The following COG5 variants were observed in gnomAD, a reference collection of about 807,000 sequenced individuals.
COG5 encodes the protein component of oligomeric golgi complex 5, also known as conserved oligomeric Golgi complex subunit 5.
COG5 carries 86 observed loss-of-function variants against 110.4 expected under a neutral mutation model. The ratio of observed to expected loss-of-function variants is 0.78; its 90% CI spans 0.65 to 0.93. The LOEUF (loss-of-function observed/expected upper bound fraction) is 0.93. COG5 is among the 40% of genes least tolerant of loss of function. The pLI is 0.00. For missense variants in COG5, 1,077 were observed against 987.0 expected, an observed-to-expected ratio of 1.09 and a Z score of -1.22; for synonymous variants, 360 against 334.6, an observed-to-expected ratio of 1.08 and a Z score of -0.83.
intron 7 of COG5, among the ~76,000 whole-genome samples, 174 bp downstream of exon 7, chr7:107,412,328 A>C (rs1183737179): frequency 6.7e-6 from 1 of 149,748 alleles, no homozygotes; most frequent in Non-Finnish European, 1.5e-5. Flanking sequence ...AAATATATTA[A>C]ACATATATTA....
intron 5 of COG5, among the ~76,000 whole-genome samples, chr7:107,540,273 T>C (rs1801878656): frequency 6.6e-6 from 1 of 151,998 alleles, no homozygotes; most frequent in African/African-American, 2.4e-5. Flanking sequence ...CTAACAAAGA[T>C]TTAAAACTAA....
intron 6 of COG5, among the ~76,000 whole-genome samples, chr7:107,504,323 C>A (rs770995924): frequency 6.6e-6 from 1 of 152,118 alleles, no homozygotes; most frequent in Non-Finnish European, 1.5e-5. Flanking sequence ...TATGTTAAAT[C>A]ATCCCTGCAT....
At chr7:107,274,414 C>T (rs748589320) in intron 14 of COG5, among the ~76,000 whole-genome samples, 4 of 152,208 alleles carry the variant, frequency 2.6e-5, no homozygotes, top group African/African-American at 4.8e-5. Context: ...CTCTTCACCC[C>T]CTTTGTATCT....
intron 11 of COG5, among the ~76,000 whole-genome samples, chr7:107,313,389 A>G (rs1256049828): frequency 6.6e-6 from 1 of 152,214 alleles, no homozygotes; most frequent in Non-Finnish European, 1.5e-5. Flanking sequence ...AAGCATGTGG[A>G]AAAACTAGAA....
chr7:107,284,019 G>C (rs896075453), intron 12 of COG5, among the ~76,000 whole-genome samples: 2 of 149,468 alleles, frequency 1.3e-5, no homozygotes, highest in Non-Finnish European at 3.0e-5. Context: ...CTACCTCCTG[G>C]GTTCAAGCGA....
intron 6 of COG5, among the ~76,000 whole-genome samples, chr7:107,488,830 G>A (rs1388609424): frequency 6.6e-6 from 1 of 151,904 alleles, no homozygotes; most frequent in African/African-American, 2.4e-5. Context: ...CTGGGCAACA[G>A]AGTAAGACCC....
At chr7:107,253,297 G>A (rs1440501943) in intron 16 of COG5, 1 of 152,130 alleles carries the variant, frequency 6.6e-6, no homozygotes, top group African/African-American at 2.4e-5. Context: ...AGGAAACTGA[G>A]AAAGGAGATT....
At chr7:107,346,124 T>A (rs1009150810) in intron 10 of COG5, among the ~76,000 whole-genome samples, 1 of 152,200 alleles carries the variant, frequency 6.6e-6, no homozygotes, top group Admixed American at 6.5e-5. Context: ...TCATAACTGA[T>A]TGCTAGAAAA....
At position 107,203,133 on chromosome 7, in the gene COG5, TGAA is replaced by T. The variant is rs1282499714; in HGVS notation, c.*380_*382del. 1.6e-5 allele frequency: 4 copies of T among 244,492 alleles called. No homozygotes were observed. The highest frequency in any genetic ancestry group is 2.3e-5 in the African/African-American group (1 of 44,302). The allele number at this position is 244,492 out of a possible 1,614,324, so 15.1% of individuals were successfully genotyped here. A position where few individuals can be genotyped will look rare whatever the true frequency, so the allele number is the denominator to read the frequency against. ...ACCACTGAGCTACATGCTTATTTAG[TGAA>T]GAAGGCAGGGTTGGGGGAAGCAGGG... On this transcript the variant is annotated 3_prime_UTR_variant, in exon 22 of 22. Coordinates refer to ENST00000297135, the MANE Select transcript of COG5 (RefSeq NM_006348.5).
chr7:107,246,518 G>A (rs941752507), intron 17 of COG5, among the ~76,000 whole-genome samples: 3 of 152,024 alleles, frequency 2.0e-5, no homozygotes, highest in Non-Finnish European at 4.4e-5. Flanking sequence ...AAATTCACAA[G>A]GGAAAAACAA....
chr7:107,521,802 A>G (rs1443968196), intron 6 of COG5, among the ~76,000 whole-genome samples: 1 of 152,242 alleles, frequency 6.6e-6, no homozygotes, highest in African/African-American at 2.4e-5. Context: ...AAAGGAATAT[A>G]AATCATTCTA....
intron 8 of COG5, among the ~76,000 whole-genome samples, chr7:107,366,402 T>C (rs1813619316): frequency 6.6e-6 from 1 of 152,118 alleles, no homozygotes; most frequent in Non-Finnish European, 1.5e-5. Flanking sequence ...AAACAGAGAA[T>C]ATCTGATATA....
At chr7:107,434,761 G>C (rs1327579420) in intron 6 of COG5, among the ~76,000 whole-genome samples, 1 of 152,070 alleles carries the variant, frequency 6.6e-6, no homozygotes, top group Non-Finnish European at 1.5e-5. Flanking sequence ...ACTAGGTCAG[G>C]AGATCAAGAC....
intron 1 of COG5, among the ~76,000 whole-genome samples, chr7:107,559,792 G>A (rs1803629647): frequency 6.6e-6 from 1 of 152,176 alleles, no homozygotes; most frequent in Admixed American, 6.5e-5. Flanking sequence ...CAAGCAAAGG[G>A]AAGGTTTAGC....
intron 12 of COG5, among the ~76,000 whole-genome samples, chr7:107,283,952 T>C (rs1432312195): frequency 1.3e-5 from 2 of 152,026 alleles, no homozygotes; most frequent in Non-Finnish European, 2.9e-5. Context: ...TGAGACGTAG[T>C]CTCACTCTGT....
At chr7:107,464,992 A>ATGGAGTAAAGGGTAGTTCTGTTAGGGC (rs1192843171) in intron 6 of COG5, among the ~76,000 whole-genome samples, 1 of 152,148 alleles carries the variant, frequency 6.6e-6, no homozygotes, top group Non-Finnish European at 1.5e-5. Flanking sequence ...TGAGAAATGG[A>ATGGAGTAAAGGGTAGTTCTGTTAGGGC]TGGAGTAAAG....
intron 6 of COG5, among the ~76,000 whole-genome samples, chr7:107,446,135 T>C (rs1052209235): frequency 6.6e-6 from 1 of 152,216 alleles, no homozygotes; most frequent in African/African-American, 2.4e-5. Flanking sequence ...TCAGTGATAG[T>C]CTTCTATATT....
At chr7:107,285,494 T>G (rs1805555539) in intron 12 of COG5, among the ~76,000 whole-genome samples, 1 of 152,198 alleles carries the variant, frequency 6.6e-6, no homozygotes, top group South Asian at 2.1e-4. Flanking sequence ...AGTCTACATT[T>G]ATAATAACCT....
At chr7:107,236,370 C>G in intron 18 of COG5, 80 bp downstream of exon 18, 1 of 1,052,514 alleles carries the variant, frequency 9.5e-7, no homozygotes, top group East Asian at 2.4e-5. Context: ...TTAAAAACAC[C>G]GATGAAAACA....
Sources: gnomAD v4.1 joint callset for allele counts (sites outside exome capture counted in the v4.1 genomes callset) on GRCh38, gnomAD v4.1.1 for gene constraint, MANE v1.5 for transcripts, NCBI Gene and HGNC (gene_info 2026-07-23, HGNC 2026-07-21) for gene names.